PLXNC1: variants seen among roughly 807,000 people sequenced by gnomAD.
The protein encoded by PLXNC1 is plexin C1.
In PLXNC1, 75 loss-of-function variants were observed where a neutral mutation model predicts 178.2. The observed-to-expected ratio is 0.42, with a 90% CI of 0.35 to 0.51. The LOEUF (loss-of-function observed/expected upper bound fraction) is 0.51, where lower values mean the gene tolerates loss of function less well. PLXNC1 is among the 20% of genes least tolerant of loss of function. PLXNC1 has a pLI of 0.02. For synonymous variants in PLXNC1, 790 were observed against 779.9 expected, an observed-to-expected ratio of 1.01 and a Z score of -0.22; for missense variants, 1,503 against 1,984.4, an observed-to-expected ratio of 0.76 and a Z score of 4.61.
At chr12:94,173,680 T>A (rs1334402084) in intron 2 of PLXNC1, among the ~76,000 whole-genome samples, 1 of 152,228 alleles carries the variant, frequency 6.6e-6, no homozygotes. Flanking sequence ...CCAACTAAAC[T>A]GCATTAACTC....
At chr12:94,197,394 A>T (rs1962953327) in intron 4 of PLXNC1, among the ~76,000 whole-genome samples, 1 of 151,064 alleles carries the variant, frequency 6.6e-6, no homozygotes, top group African/African-American at 2.4e-5. Context: ...TGGGTTACTT[A>T]TCACAGGAGT....
Position 94,303,693 on chromosome 12 carries a change from CTTTTTTTTTT to C in PLXNC1, c.4387-53_4387-44del, listed in dbSNP as rs373777720. On this transcript the variant is annotated intron_variant, in intron 28 of 30. Transcript: ENST00000258526. ...ATTGGAATATTATAAATTCCTCCAT[CTTTTTTTTTT>C]TTTTTTTTTACTCTTTTGGTGATGG... The C allele has an allele frequency of 8.1e-5, 57 of 700,242 alleles. No individual in the cohort carries two copies. In the East Asian group the frequency reaches 2.6e-3, roughly 32 times the overall value. 43.4% of individuals were successfully genotyped at this position (700,242 alleles called of 1,614,324 possible).
chr12:94,204,551 T>G (rs879931589), intron 4 of PLXNC1, among the ~76,000 whole-genome samples: 7 of 152,258 alleles, frequency 4.6e-5, no homozygotes, highest in Non-Finnish European at 1.0e-4. Flanking sequence ...TATTTTGGTC[T>G]TATGTTTTGG....
At chr12:94,181,403 A>T (rs1335774747) in intron 2 of PLXNC1, 43 bp from the exon 3 acceptor site, 2 of 1,273,266 alleles carry the variant, frequency 1.6e-6, no homozygotes, top group South Asian at 1.3e-5. Flanking sequence ...AAAAAAAAGT[A>T]TTAAATAGAA....
intron 9 of PLXNC1, among the ~76,000 whole-genome samples, chr12:94,228,867 G>T (rs1964017120): frequency 6.6e-6 from 1 of 152,182 alleles, no homozygotes; most frequent in Admixed American, 6.5e-5. Context: ...AGGAACGTGG[G>T]TGTGCTGCTA....
intron 9 of PLXNC1, among the ~76,000 whole-genome samples, chr12:94,229,309 C>T (rs7971522): frequency 0.52 from 78,450 of 151,978 alleles, 21,655 homozygotes; most frequent in African/African-American, 0.73. Context: ...TATCAACCCC[C>T]TATCAGATAT....
intron 22 of PLXNC1, among the ~76,000 whole-genome samples, chr12:94,281,598 A>T (rs965404796): frequency 1.1e-5 from 1 of 89,312 alleles, no homozygotes; most frequent in Non-Finnish European, 2.2e-5. Flanking sequence ...TTTAAAAAAA[A>T]TTTTATAGAG....
chr12:94,298,583 C>T (rs772631441), intron 26 of PLXNC1, 49 bp from the exon 27 acceptor site: 1 of 1,446,844 alleles, frequency 6.9e-7, no homozygotes, highest in Non-Finnish European at 9.4e-7. Flanking sequence ...TTTTCAAAAC[C>T]ACTACCACAG....
At chr12:94,184,147 T>C (rs1220252485) in intron 3 of PLXNC1, among the ~76,000 whole-genome samples, 3 of 151,378 alleles carry the variant, frequency 2.0e-5, no homozygotes, top group Non-Finnish European at 2.9e-5. Context: ...TATGGAGTCT[T>C]GCTCTGTCAC....
chr12:94,274,948 T>A (rs1179681096), intron 21 of PLXNC1, among the ~76,000 whole-genome samples: 2 of 152,210 alleles, frequency 1.3e-5, no homozygotes, highest in South Asian at 4.1e-4. Flanking sequence ...TATAAAGCAC[T>A]CCTTAATTTG....
intron 28 of PLXNC1, among the ~76,000 whole-genome samples, chr12:94,302,101 CTGA>C (rs1968524596): frequency 6.6e-6 from 1 of 152,190 alleles, no homozygotes; most frequent in South Asian, 2.1e-4. Flanking sequence ...AAACATAAAT[CTGA>C]TGATGTCAGT....
intron 6 of PLXNC1, 23 bp from the exon 7 acceptor site, chr12:94,224,205 A>C (rs1356318852): frequency 7.1e-7 from 1 of 1,413,044 alleles, no homozygotes; most frequent in Non-Finnish European, 1.0e-6. Flanking sequence ...ACCGTAAATG[A>C]CATTTTCCCC....
At chr12:94,206,681 T>A (rs147371765) in intron 4 of PLXNC1, among the ~76,000 whole-genome samples, 4 of 152,338 alleles carry the variant, frequency 2.6e-5, no homozygotes, top group African/African-American at 9.6e-5. Context: ...CAGTAGAGGA[T>A]GGAGCAAAAG....
intron 28 of PLXNC1, 125 bp from the exon 29 acceptor site, chr12:94,303,631 A>C: frequency 1.3e-6 from 1 of 744,084 alleles, no homozygotes; most frequent in East Asian, 2.9e-5. Context: ...CCTTGTTAGC[A>C]AGAGGTAAAA....
intron 2 of PLXNC1, among the ~76,000 whole-genome samples, chr12:94,169,621 CT>C (rs1201974749): frequency 6.6e-6 from 1 of 152,174 alleles, no homozygotes; most frequent in Non-Finnish European, 1.5e-5. Context: ...GACATGTAAC[CT>C]TTTAGTTCTA....
chr12:94,271,836 TG>T (rs1965589633), intron 21 of PLXNC1, among the ~76,000 whole-genome samples: 1 of 152,194 alleles, frequency 6.6e-6, no homozygotes, highest in African/African-American at 2.4e-5. Context: ...TCTTTTTGGT[TG>T]GTTATTTATT....
chr12:94,212,430 C>T (rs1161127915), intron 5 of PLXNC1, among the ~76,000 whole-genome samples: 1 of 152,080 alleles, frequency 6.6e-6, no homozygotes, highest in African/African-American at 2.4e-5. Context: ...CACCCATCAG[C>T]TCGTCATTTA....
chr12:94,251,509 G>A lies in PLXNC1; in HGVS notation c.2862G>A (p.Leu954=), dbSNP rs1964687023. ...ATTTTCTGATTGTGCTCCCTGTCTT[G>A]CTAGTGATTGTCATTTTTGGTAAGT... ...TWYFLIVLPV[L]LVIVIFAAVG... is the part of the protein sequence containing the mutation. Residue 954 remains leucine (L), a synonymous_variant, in exon 15 of 31, where the codon TTG becomes TTA. Coordinates refer to ENST00000258526, the MANE Select transcript of PLXNC1 (RefSeq NM_005761.3). 2 of 1,607,826 alleles carry A rather than the reference G, an allele frequency of 1.2e-6. No individual in the cohort carries two copies. Among genetic ancestry groups the A allele is most frequent in the African/African-American group, 1.3e-5 (1 of 74,800 alleles).
chr12:94,150,074 CG>C (rs774599896), intron 1 of PLXNC1, 41 bp downstream of exon 1: 3 of 1,454,354 alleles, frequency 2.1e-6, no homozygotes, highest in East Asian at 2.6e-5. Flanking sequence ...GCGCTGCTGC[CG>C]GGGAGCCGCC....
Sources: gnomAD v4.1 joint callset for allele counts (sites outside exome capture counted in the v4.1 genomes callset) on GRCh38, gnomAD v4.1.1 for gene constraint, MANE v1.5 for transcripts, NCBI Gene and HGNC (gene_info 2026-07-23, HGNC 2026-07-21) for gene names.